Variants in URM1 observed in about 807,000 individuals in gnomAD.
The protein encoded by URM1 is ubiquitin related modifier 1.
A neutral mutation model predicts 17.7 loss-of-function variants in URM1; 11 were observed. The observed-to-expected ratio is 0.62, with a 90% confidence interval of 0.39 to 1.03. URM1 has a LOEUF of 1.03. URM1 is among the 50% of genes least tolerant of loss of function. The pLI is 0.00. For synonymous variants in URM1, 48 were observed against 50.6 expected (o/e 0.95, Z 0.22); for missense variants, 128 against 129.2 (o/e 0.99, Z 0.04).
At chr9:128,374,140 T>G (rs991034346) in intron 1 of URM1, among the ~76,000 whole-genome samples, 2 of 152,150 alleles carry the variant, frequency 1.3e-5, no homozygotes, top group African/African-American at 4.8e-5. Context: ...AACAGGCCCC[T>G]TGTCTGCCTC....
At chr9:128,377,181 T>C (rs1423729585) in intron 1 of URM1, among the ~76,000 whole-genome samples, 1 of 152,036 alleles carries the variant, frequency 6.6e-6, no homozygotes, top group Non-Finnish European at 1.5e-5. Flanking sequence ...CGGTACTTGA[T>C]TATTAGTAAA....
chr9:128,380,291 C>T (rs966612686), intron 2 of URM1, among the ~76,000 whole-genome samples: 1 of 152,092 alleles, frequency 6.6e-6, no homozygotes. Flanking sequence ...AGAGCAGTGG[C>T]ACAGGGTGGG....
intron 2 of URM1, among the ~76,000 whole-genome samples, chr9:128,382,643 T>A (rs775942565): frequency 1.8e-4 from 27 of 152,218 alleles, no homozygotes; most frequent in Admixed American, 4.6e-4. Context: ...ACATCACTTA[T>A]TCCTGCCAGA....
At chr9:128,378,912 A>G (rs944520775) in intron 2 of URM1, among the ~76,000 whole-genome samples, 84 of 146,496 alleles carry the variant, frequency 5.7e-4, no homozygotes, top group African/African-American at 2.1e-3. Context: ...GTGCCACTGC[A>G]CTCCAGCCTG....
chr9:128,389,136 GCCAGACC>G (rs1833268658), intron 3 of URM1, 118 bp from the exon 4 acceptor site: 12 of 1,481,256 alleles, frequency 8.1e-6, no homozygotes, highest in Non-Finnish European at 1.1e-5. Context: ...GATATCTTTA[GCCAGACC>G]CCAGGAGGAA....
intron 3 of URM1, chr9:128,388,751 A>T: frequency 2.0e-6 from 2 of 987,062 alleles, no homozygotes; most frequent in Non-Finnish European, 2.4e-6. Flanking sequence ...TGGCATGGCA[A>T]CTGATTCGGA....
In URM1 at chr9:128,387,869, C is replaced by T. The variant is rs753253240; in HGVS notation, c.160C>T (p.Pro54Ser). 9.3e-6 allele frequency: 15 copies of T among 1,614,108 alleles called. No homozygotes were observed. Among genetic ancestry groups the T allele is most frequent in the Non-Finnish European group, 1.3e-5 (15 of 1,180,022 alleles). The part of the protein sequence containing the change: ...WIKKNLLKER[P>S]ELFIQGDSVR... ...CAAGAAGAATTTGCTAAAAGAGCGG[C>T]CAGAGTTGTTCATCCAGGGAGACAG... The change falls in exon 3 of 5, where the codon CCA becomes TCA. Residue 54 changes from proline (P) to serine (S), a missense_variant. Physicochemically the swap from Pro to Ser is moderately conservative, Grantham distance 74. Transcript: ENST00000372853. This position sits in a 1 kb window ranked among gnomAD's most constrained non-coding sequence, Gnocchi z 4.3.
At chr9:128,379,203 C>T (rs1324612597) in intron 2 of URM1, among the ~76,000 whole-genome samples, 2 of 152,072 alleles carry the variant, frequency 1.3e-5, no homozygotes, top group African/African-American at 4.8e-5. Flanking sequence ...CAAGTCAGGC[C>T]GGACGTGGTG....
At chr9:128,381,439 G>A (rs1262968515) in intron 2 of URM1, among the ~76,000 whole-genome samples, 1 of 152,200 alleles carries the variant, frequency 6.6e-6, no homozygotes, top group East Asian at 1.9e-4. Flanking sequence ...GCTCACTCCT[G>A]TAATCCCAGC....
rs1484940805 is a variant in URM1, at chr9:128,387,577, C to T, written c.107-239C>T. Among the ~76,000 whole-genome samples the T allele has an allele frequency of 6.6e-6, 1 of 152,214 alleles. No homozygotes were observed. Among genetic ancestry groups the T allele is most frequent in the African/African-American group, 2.4e-5 (1 of 41,454 alleles). ...CTATAGGTAAATCCCATTGCCTCTT[C>T]TCCAGGACTTCAGCAGTGCCAGGTG... On this transcript the variant is annotated intron_variant, in intron 2 of 4. Coordinates refer to ENST00000372853, the MANE Select transcript of URM1 (RefSeq NM_030914.4). The surrounding 1 kb of genome is among the most constrained non-coding windows in gnomAD (Gnocchi z 4.3).
intron 2 of URM1, among the ~76,000 whole-genome samples, chr9:128,382,091 A>G (rs982633270): frequency 6.6e-6 from 1 of 152,112 alleles, no homozygotes; most frequent in African/African-American, 2.4e-5. Context: ...TCTTCCAGCC[A>G]CTGTTCAGGG....
Position 128,390,533 on chromosome 9 carries a change from G to C in URM1, c.*799G>C, listed in dbSNP as rs1360450594. On this transcript the variant is annotated 3_prime_UTR_variant, in exon 5 of 5. Transcript: ENST00000372853. ...GTTTCCTCCTCCACAACTGAATATA[G>C]TGGCTGAAAACTGGGGAGATACTTG... is the stretch of plus-strand genomic sequence containing the variant. 1 of 143,740 alleles carries C rather than the reference G, an allele frequency of 7.0e-6. No individual in the cohort carries two copies. Among genetic ancestry groups the C allele is most frequent in the East Asian group, 2.1e-4 (1 of 4,876 alleles). The allele number at this position is 143,740 out of a possible 1,614,324, so 8.9% of individuals were successfully genotyped here. A position where few individuals can be genotyped will look rare whatever the true frequency, so the allele number is the denominator to read the frequency against.
intron 4 of URM1, 52 bp from the exon 5 acceptor site, chr9:128,389,614 G>C (rs1050821088): frequency 6.2e-7 from 1 of 1,610,604 alleles, no homozygotes. Flanking sequence ...TCCTGGGGTG[G>C]ACCTGGGAAG....
rs1833246254 is a variant in URM1 at position 128,387,736 on chromosome 9, T to C, written c.107-80T>C. 6 of 1,602,598 alleles carry C rather than the reference T, an allele frequency of 3.7e-6. No individual in the cohort carries two copies. The highest frequency in any genetic ancestry group is 4.3e-6 in the Non-Finnish European group (5 of 1,173,382). On this transcript the variant is annotated intron_variant, in intron 2 of 4. Transcript: ENST00000372853. The surrounding 1 kb of genome is among the most constrained non-coding windows in gnomAD (Gnocchi z 4.3). Reference sequence around the variant, plus strand: ...CCCTCTAAACACCGTGTGTATTTCCTTGTGGGCCAGGCAAGGCTCTGGGGG... The same window carrying C: ...CCCTCTAAACACCGTGTGTATTTCCCTGTGGGCCAGGCAAGGCTCTGGGGG...
chr9:128,389,395 T>C (rs1833273930), intron 4 of URM1, 86 bp downstream of exon 4: 3 of 1,612,812 alleles, frequency 1.9e-6, no homozygotes, highest in Middle Eastern at 3.3e-4. Context: ...CAGGCACATA[T>C]AGAGTGGCTG....
Position 128,378,813 on chromosome 9 carries a change from G to A in URM1, c.106+707G>A, listed in dbSNP as rs574418213. Among the ~76,000 whole-genome samples the A allele has an allele frequency of 9.4e-4, 142 of 151,572 alleles. 5 individuals are homozygous for A. In the South Asian group the frequency reaches 0.028, roughly 30 times the overall value. ...ATACAAAAAATTAGTCACGCATAGC[G>A]GTGCGCGCTTGTAATCCCAGCTACT... is the stretch of plus-strand genomic sequence containing the variant. On this transcript the variant is annotated intron_variant, in intron 2 of 4. Coordinates refer to ENST00000372853, the MANE Select transcript of URM1 (RefSeq NM_030914.4).
chr9:128,375,592 C>A (rs187557966), intron 1 of URM1, among the ~76,000 whole-genome samples: 1 of 152,176 alleles, frequency 6.6e-6, no homozygotes, highest in East Asian at 1.9e-4. Context: ...TAGGGTCTCA[C>A]TGTGTCGCCC....
Position 128,387,964 on chromosome 9 carries a change from C to T in URM1, c.188+67C>T, listed in dbSNP as rs981903516. On this transcript the variant is annotated intron_variant, in intron 3 of 4. Transcript: ENST00000372853. This position sits in a 1 kb window ranked among gnomAD's most constrained non-coding sequence, Gnocchi z 4.3. Reference sequence around the variant, plus strand: ...GGACGGATATTTGAGCCCCCACCCTCGGGTTCAGTCCTGGCCTTCTCTGAA... The same window carrying T: ...GGACGGATATTTGAGCCCCCACCCTTGGGTTCAGTCCTGGCCTTCTCTGAA... 16 of 1,605,050 alleles carry T rather than the reference C, an allele frequency of 1.0e-5. No individual in the cohort carries two copies. Among genetic ancestry groups the T allele is most frequent in the African/African-American group, 5.3e-5 (4 of 74,784 alleles).
At chr9:128,381,459 G>A (rs1305935535) in intron 2 of URM1, among the ~76,000 whole-genome samples, 1 of 152,206 alleles carries the variant, frequency 6.6e-6, no homozygotes, top group Non-Finnish European at 1.5e-5. Flanking sequence ...CACTTTGGGA[G>A]GCCAAGGTAG....
Sources: gnomAD v4.1 joint callset for allele counts (sites outside exome capture counted in the v4.1 genomes callset) on GRCh38, gnomAD v4.1.1 for gene constraint, Gnocchi (gnomAD v3.1) non-coding constraint, MANE v1.5 for transcripts, NCBI Gene and HGNC (gene_info 2026-07-23, HGNC 2026-07-21) for gene names.